Variants in GAS7 observed in about 807,000 individuals in gnomAD.
The protein encoded by GAS7 is growth arrest specific 7, also known as growth arrest-specific protein 7.
Under a neutral mutation model 71.1 loss-of-function variants are expected in GAS7, and 28 were observed. The observed-to-expected ratio is 0.39, with a 90% CI of 0.29 to 0.54. The LOEUF (loss-of-function observed/expected upper bound fraction) is 0.54, where lower values mean the gene tolerates loss of function less well. GAS7 is among the 20% of genes least tolerant of loss of function. GAS7 has a pLI of 0.62. For synonymous variants in GAS7, 258 were observed against 245.8 expected (o/e 1.05, Z -0.46); for missense variants, 436 against 627.8 (o/e 0.69, Z 3.27).
At chr17:10,126,447 C>T (rs868192351) in intron 1 of GAS7, among the ~76,000 whole-genome samples, 10 of 151,412 alleles carry the variant, frequency 6.6e-5, no homozygotes, top group East Asian at 5.8e-4. Context: ...CACACACGCG[C>T]GCGCGCACAC....
rs757538235 is a variant in GAS7, at chr17:9,915,603, C to T, written c.*1625G>A. The T allele has an allele frequency of 4.4e-5, 10 of 227,064 alleles. No homozygotes were observed. Among genetic ancestry groups the T allele is most frequent in the Non-Finnish European group, 7.0e-5 (8 of 114,274 alleles). The allele number at this position is 227,064 out of a possible 1,614,324, so 14.1% of individuals were successfully genotyped here. A position where few individuals can be genotyped will look rare whatever the true frequency, so the allele number is the denominator to read the frequency against. On this transcript the variant is annotated 3_prime_UTR_variant, in exon 14 of 14. Transcript: ENST00000432992. ...TAATGTGAACTATACGAAAGCAATT[C>T]TCATTCAATGAAAGAGGCGCCAAAA... is the stretch of plus-strand genomic sequence containing the variant.
Position 10,004,390 on chromosome 17 carries a change from G to T in GAS7, c.304+15387C>A, listed in dbSNP as rs534969802. Among the ~76,000 whole-genome samples the T allele has an allele frequency of 8.5e-5, 13 of 152,076 alleles. No individual in the cohort carries two copies. In the South Asian group the frequency reaches 1.7e-3, roughly 19 times the overall value. On this transcript the variant is annotated intron_variant, in intron 2 of 13. Coordinates refer to ENST00000432992, the MANE Select transcript of GAS7 (RefSeq NM_201433.2). The stretch of plus-strand genomic sequence containing the variant: ...TGCATACTAGGAGTTTCACTGACTC[G>T]CTGGGACCTAACCCTTTAAAAGCTC...
Position 9,919,515 on chromosome 17 carries a change from A to G in GAS7, c.1218+111T>C. 2.5e-6 allele frequency: 2 copies of G among 807,864 alleles called. No homozygotes were observed. The highest frequency in any genetic ancestry group is 4.4e-6 in the Non-Finnish European group (2 of 450,940). The allele number at this position is 807,864 out of a possible 1,614,324, so 50.0% of individuals were successfully genotyped here. On this transcript the variant is annotated intron_variant, in intron 12 of 13. Coordinates refer to ENST00000432992, the MANE Select transcript of GAS7 (RefSeq NM_201433.2). This position sits in a 1 kb window ranked among gnomAD's most constrained non-coding sequence, Gnocchi z 5.0. The stretch of plus-strand genomic sequence containing the variant: ...CCCCAACACTGAAGTAGATTTGATG[A>G]CCATCTCCAGGGTCACTCCACCCCA...
At chr17:10,032,365 C>G (rs530592822) in intron 1 of GAS7, among the ~76,000 whole-genome samples, 3 of 152,240 alleles carry the variant, frequency 2.0e-5, no homozygotes, top group South Asian at 4.1e-4. Flanking sequence ...TCCTCCTCCC[C>G]CTTCCCTAGC....
At chr17:10,180,981 G>A (rs190076488) in intron 1 of GAS7, among the ~76,000 whole-genome samples, 1 of 150,922 alleles carries the variant, frequency 6.6e-6, no homozygotes, top group African/African-American at 2.4e-5. Flanking sequence ...ACAATGTAGT[G>A]GGTGGCAACA....
intron 9 of GAS7, among the ~76,000 whole-genome samples, chr17:9,930,560 T>C (rs896630581): frequency 6.6e-5 from 10 of 152,226 alleles, no homozygotes; most frequent in Non-Finnish European, 1.5e-4. Flanking sequence ...TAACTTTCTT[T>C]GTATACGGCT....
intron 1 of GAS7, among the ~76,000 whole-genome samples, chr17:10,084,628 G>A (rs553786804): frequency 5.9e-5 from 9 of 152,168 alleles, no homozygotes; most frequent in Admixed American, 2.6e-4. Flanking sequence ...CACCACACCT[G>A]GCTAATATTT....
chr17:10,010,263 C>T (rs2071716192), intron 2 of GAS7, among the ~76,000 whole-genome samples: 1 of 152,062 alleles, frequency 6.6e-6, no homozygotes, highest in Non-Finnish European at 1.5e-5. Context: ...CATTCTCCTG[C>T]CTCAGCCTCC....
At chr17:10,012,759 G>C (rs2071825610) in intron 2 of GAS7, among the ~76,000 whole-genome samples, 2 of 152,078 alleles carry the variant, frequency 1.3e-5, no homozygotes, top group African/African-American at 4.8e-5. Context: ...GCACTTTTAG[G>C]AGGTGACTAA....
At chr17:10,059,834 G>A in intron 1 of GAS7, 29 of 983,786 alleles carry the variant, frequency 2.9e-5, no homozygotes, top group Non-Finnish European at 3.5e-5. Context: ...AGCCACGCAG[G>A]TTAGCATTAA....
intron 1 of GAS7, among the ~76,000 whole-genome samples, chr17:10,113,389 TCCA>T (rs1406123747): frequency 6.6e-6 from 1 of 152,116 alleles, no homozygotes; most frequent in African/African-American, 2.4e-5. Flanking sequence ...TACGAGGCTA[TCCA>T]CAGCAGCAAC....
chr17:9,946,991 G>T lies in GAS7; in HGVS notation c.526-8C>A. 2 of 1,601,182 alleles carry T rather than the reference G, an allele frequency of 1.2e-6. No individual in the cohort carries two copies. The highest frequency in any genetic ancestry group is 1.1e-5 in the South Asian group (1 of 90,772). On this transcript the variant is annotated splice_region_variant and splice_polypyrimidine_tract_variant and intron_variant, in intron 5 of 13. Coordinates refer to ENST00000432992, the MANE Select transcript of GAS7 (RefSeq NM_201433.2). ...GAACGTCACACAGTTTATCTGTAGG[G>T]CACAGAACAAGAAAGAATGACCCCG...
intron 5 of GAS7, among the ~76,000 whole-genome samples, chr17:9,956,601 G>A (rs918555850): frequency 1.3e-5 from 2 of 152,110 alleles, no homozygotes; most frequent in Non-Finnish European, 2.9e-5. Flanking sequence ...CAGGGACAGC[G>A]GAAACAAGAC....
rs1280807405 is a variant in GAS7 at position 9,918,044 on chromosome 17, T to A, written c.1274A>T (p.Gln425Leu). The change falls in exon 13 of 14, where the codon CAG (glutamine) becomes CTG (leucine). Residue 425 changes from glutamine (Q) to leucine (L), a missense_variant. Coordinates refer to ENST00000432992, the MANE Select transcript of GAS7 (RefSeq NM_201433.2). Reference protein sequence around the residue: ...RVEMIRQHLCQYTQLRHETDM... With the variant: ...RVEMIRQHLCLYTQLRHETDM... ...TGTTTCATGCCGCAGCTGCGTGTAC[T>A]GGCACAGGTGCTGCCGGATCATCTC... The A allele has an allele frequency of 8.7e-6, 14 of 1,613,984 alleles. No individual in the cohort carries two copies. In the South Asian group the frequency reaches 1.5e-4, roughly 18 times the overall value.
intron 1 of GAS7, among the ~76,000 whole-genome samples, chr17:10,130,037 C>T (rs774615972): frequency 5.9e-5 from 9 of 151,694 alleles, no homozygotes; most frequent in East Asian, 1.9e-4. Flanking sequence ...GGTGTGGTGG[C>T]GCGCGCCTGT....
intron 1 of GAS7, among the ~76,000 whole-genome samples, chr17:10,028,195 G>A (rs897503134): frequency 5.9e-5 from 9 of 152,132 alleles, no homozygotes; most frequent in African/African-American, 1.9e-4. Flanking sequence ...GAGCCACTGC[G>A]CCCGGCCTTA....
At chr17:10,102,676 T>A (rs2073715304) in intron 1 of GAS7, among the ~76,000 whole-genome samples, 1 of 151,998 alleles carries the variant, frequency 6.6e-6, no homozygotes, top group Non-Finnish European at 1.5e-5. Context: ...GGAGATTTTT[T>A]AAAGTAGGGT....
At chr17:10,036,716 C>T (rs1597734324) in intron 1 of GAS7, 1 of 1,295,938 alleles carries the variant, frequency 7.7e-7, no homozygotes, top group East Asian at 3.0e-5. Flanking sequence ...AAATTAACAA[C>T]TTGTTCTGGA....
intron 1 of GAS7, among the ~76,000 whole-genome samples, chr17:10,184,150 G>T (rs1157994035): frequency 6.6e-6 from 1 of 152,176 alleles, no homozygotes; most frequent in Non-Finnish European, 1.5e-5. Context: ...GACACTGTTG[G>T]CATCTGGCAA....
Sources: gnomAD v4.1 joint callset for allele counts (sites outside exome capture counted in the v4.1 genomes callset) on GRCh38, gnomAD v4.1.1 for gene constraint, Gnocchi (gnomAD v3.1) non-coding constraint, MANE v1.5 for transcripts, NCBI Gene and HGNC (gene_info 2026-07-23, HGNC 2026-07-21) for gene names.